Variants in TRPM3 observed in about 807,000 individuals in gnomAD.
TRPM3 encodes the protein long transient receptor potential channel 3.
Under a neutral mutation model 181.2 loss-of-function variants are expected in TRPM3, and 77 were observed. The ratio of observed to expected loss-of-function variants is 0.42; its 90% CI spans 0.35 to 0.51. TRPM3 has a LOEUF of 0.51. Among genes scored for constraint, TRPM3 ranks in the 20% least tolerant of loss-of-function variants. TRPM3 has a pLI of 0.01. For synonymous variants in TRPM3, 745 were observed against 796.4 expected, an observed-to-expected ratio of 0.94 and a Z score of 1.09; for missense variants, 1,759 against 2,196.7, an observed-to-expected ratio of 0.80 and a Z score of 3.98.
chr9:70,748,440 ACTT>A (rs371161553), intron 8 of TRPM3, among the ~76,000 whole-genome samples: 56 of 152,248 alleles, frequency 3.7e-4, no homozygotes, highest in African/African-American at 1.3e-3. Context: ...TCCTCAAAGT[ACTT>A]CTTCTCCATG....
chr9:70,803,648 C>A (rs1311441961), intron 6 of TRPM3, among the ~76,000 whole-genome samples: 1 of 151,864 alleles, frequency 6.6e-6, no homozygotes. Flanking sequence ...GACGGGGTTT[C>A]ACCGTGTTAG....
chr9:70,610,883 A>G, intron 18 of TRPM3, 134 bp from the exon 19 acceptor site: 1 of 1,075,968 alleles, frequency 9.3e-7, no homozygotes, highest in Non-Finnish European at 1.3e-6. Context: ...TAGAGGTTGT[A>G]CCTTCCCTAA....
At chr9:70,848,503 A>G (rs1172428753) in intron 3 of TRPM3, among the ~76,000 whole-genome samples, 1 of 152,226 alleles carries the variant, frequency 6.6e-6, no homozygotes, top group Non-Finnish European at 1.5e-5. Flanking sequence ...AATTCTAAGC[A>G]GGATAAATGA....
At chr9:71,431,599 T>A (rs1356506881) in intron 1 of TRPM3, among the ~76,000 whole-genome samples, 1 of 152,170 alleles carries the variant, frequency 6.6e-6, no homozygotes, top group Non-Finnish European at 1.5e-5. Flanking sequence ...TCATCTTACC[T>A]CTGACTCACG....
intron 25 of TRPM3, among the ~76,000 whole-genome samples, chr9:70,542,052 C>G (rs1185161409): frequency 6.6e-6 from 1 of 152,156 alleles, no homozygotes; most frequent in African/African-American, 2.4e-5. Context: ...GCCCAGGAGA[C>G]TGAGGCTGTG....
In TRPM3 at chr9:70,934,499, C is replaced by T. The variant is rs2096805975; in HGVS notation, c.178-69988G>A. On this transcript the variant is annotated intron_variant, in intron 1 of 25. Coordinates refer to ENST00000677713, the MANE Select transcript of TRPM3 (RefSeq NM_001366145.2). Reference sequence around the variant, plus strand: ...ATATGTAAGAGTTATAGGGAAAAAACATAAGCTTGGGAATCAGCTAGACAT... The same window carrying T: ...ATATGTAAGAGTTATAGGGAAAAAATATAAGCTTGGGAATCAGCTAGACAT... Among the ~76,000 whole-genome samples the T allele has an allele frequency of 2.0e-5, 3 of 152,290 alleles. No individual in the cohort carries two copies. In the South Asian group the frequency reaches 6.2e-4, roughly 32 times the overall value.
intron 1 of TRPM3, among the ~76,000 whole-genome samples, chr9:71,225,945 C>T (rs917093586): frequency 9.1e-5 from 13 of 142,702 alleles, no homozygotes; most frequent in East Asian, 4.2e-4. Flanking sequence ...CATGAGTTAC[C>T]GCACCCAGCC....
At chr9:71,183,355 G>A (rs777138605) in intron 1 of TRPM3, among the ~76,000 whole-genome samples, 7 of 152,120 alleles carry the variant, frequency 4.6e-5, no homozygotes, top group Non-Finnish European at 8.8e-5. Flanking sequence ...TCTTGAATCA[G>A]ATCTTTTTCG....
chr9:71,064,495 T>A (rs2061680186), intron 1 of TRPM3, among the ~76,000 whole-genome samples: 2 of 151,950 alleles, frequency 1.3e-5, no homozygotes, highest in Non-Finnish European at 2.9e-5. Context: ...AAGAGATGCA[T>A]GATAAAGACA....
intron 1 of TRPM3, among the ~76,000 whole-genome samples, chr9:71,302,173 C>T (rs1166064840): frequency 1.4e-5 from 2 of 145,806 alleles, no homozygotes; most frequent in South Asian, 2.2e-4. Flanking sequence ...AAAAAATTTA[C>T]ACATTTGAAA....
intron 9 of TRPM3, among the ~76,000 whole-genome samples, chr9:70,657,486 A>G (rs996268807): frequency 6.6e-6 from 1 of 152,126 alleles, no homozygotes; most frequent in African/African-American, 2.4e-5. Flanking sequence ...CTTCCAATAT[A>G]ATATTTGGTA....
At chr9:70,658,891 T>C (rs1386589413) in intron 9 of TRPM3, among the ~76,000 whole-genome samples, 1 of 152,156 alleles carries the variant, frequency 6.6e-6, no homozygotes, top group Middle Eastern at 3.4e-3. Flanking sequence ...TAACAGAAGA[T>C]TGAAGTAATC....
chr9:71,029,484 A>G (rs556555315), intron 1 of TRPM3, among the ~76,000 whole-genome samples: 2 of 152,304 alleles, frequency 1.3e-5, no homozygotes, highest in Non-Finnish European at 2.9e-5. Context: ...AAATAAAATA[A>G]CACCAAATTA....
At chr9:70,971,539 C>T (rs187170895) in intron 1 of TRPM3, among the ~76,000 whole-genome samples, 3 of 151,996 alleles carry the variant, frequency 2.0e-5, no homozygotes, top group African/African-American at 4.8e-5. Flanking sequence ...AATTGTCTTT[C>T]AGGGGGGAAA....
chr9:70,835,711 A>C (rs553210505), intron 5 of TRPM3, among the ~76,000 whole-genome samples: 5 of 152,158 alleles, frequency 3.3e-5, no homozygotes, highest in African/African-American at 1.2e-4. Flanking sequence ...GAATAATAAT[A>C]ATCATCCCAT....
At chr9:71,273,986 A>G (rs1222200831) in intron 1 of TRPM3, among the ~76,000 whole-genome samples, 1 of 152,198 alleles carries the variant, frequency 6.6e-6, no homozygotes, top group Non-Finnish European at 1.5e-5. Flanking sequence ...GTAATTATGA[A>G]TGAAATGTGT....
chr9:70,974,828 A>G, intron 1 of TRPM3, among the ~76,000 whole-genome samples: 1 of 148,196 alleles, frequency 6.7e-6, no homozygotes, highest in African/African-American at 2.5e-5. Flanking sequence ...ACAATTCAAT[A>G]TTGATTACAG....
In TRPM3 at chr9:70,843,037, A is replaced by G. The variant is rs1297002444; in HGVS notation, c.767T>C (p.Ile256Thr). 6.2e-7 allele frequency: 1 copy of G among 1,613,826 alleles called. No homozygotes were observed. The highest frequency in any genetic ancestry group is 1.7e-5 in the Admixed American group (1 of 59,982). The change falls in exon 5 of 26, where the codon ATT becomes ACT. Residue 256 changes from isoleucine to threonine, a missense_variant. Ile to Thr is a moderately conservative substitution (Grantham distance 89, BLOSUM62 -1). Coordinates refer to ENST00000677713, the MANE Select transcript of TRPM3 (RefSeq NM_001366145.2). ...ICTIGIAPWG[I>T]VENQEDLIGR... ...AATGAGGTCCTCCTGGTTTTCCACAATTCCCCAGGGGGCAATACCTATGGT... is the reference window on the plus strand; with the variant it reads ...AATGAGGTCCTCCTGGTTTTCCACAGTTCCCCAGGGGGCAATACCTATGGT...
chr9:70,938,765 A>T (rs2133516671), intron 1 of TRPM3, among the ~76,000 whole-genome samples: 1 of 152,094 alleles, frequency 6.6e-6, no homozygotes, highest in South Asian at 2.1e-4. Context: ...ATCCTGGCTA[A>T]CACAGCGAAA....
Sources: gnomAD v4.1 joint callset for allele counts (sites outside exome capture counted in the v4.1 genomes callset) on GRCh38, gnomAD v4.1.1 for gene constraint, MANE v1.5 for transcripts, NCBI Gene and HGNC (gene_info 2026-07-23, HGNC 2026-07-21) for gene names.